VPS8: variants seen among roughly 807,000 people sequenced by gnomAD.
The protein encoded by VPS8 is vacuolar protein sorting-associated protein 8 homolog.
In VPS8, 129 loss-of-function variants were observed where a neutral mutation model predicts 216.4. That is an observed-to-expected ratio of 0.60 (90% CI 0.52 to 0.69). The LOEUF (loss-of-function observed/expected upper bound fraction) is 0.69. Among genes scored for constraint, VPS8 ranks in the 30% least tolerant of loss-of-function variants. The pLI is 0.00. For missense variants in VPS8, 1,531 were observed against 1,683.5 expected (o/e 0.91, Z 1.59); for synonymous variants, 571 against 565.4 (o/e 1.01, Z -0.14).
chr3:184,909,018 T>G (rs1736004205), intron 25 of VPS8, among the ~76,000 whole-genome samples: 1 of 152,202 alleles, frequency 6.6e-6, no homozygotes, highest in Non-Finnish European at 1.5e-5. Flanking sequence ...GGACCAGTAA[T>G]CTGGTCTTTC....
At chr3:184,879,235 A>C (rs144611975) in intron 21 of VPS8, among the ~76,000 whole-genome samples, 18 of 152,324 alleles carry the variant, frequency 1.2e-4, no homozygotes, top group Admixed American at 7.8e-4. Flanking sequence ...TTTTATTTGT[A>C]TATCCACATT....
chr3:184,865,072 A>C (rs1014237532), intron 16 of VPS8, among the ~76,000 whole-genome samples: 1 of 152,200 alleles, frequency 6.6e-6, no homozygotes, highest in Non-Finnish European at 1.5e-5. Flanking sequence ...CAGATTAGGC[A>C]ATACAGAAAA....
Position 185,024,384 on chromosome 3 carries a change from A to G in VPS8, c.4051A>G (p.Lys1351Glu), listed in dbSNP as rs748806037. The G allele has an allele frequency of 1.9e-6, 3 of 1,596,166 alleles. No individual in the cohort carries two copies. In the African/African-American group the frequency reaches 4.0e-5, roughly 21 times the overall value. Residue 1351 changes from lysine (K) to glutamate (E), a missense_variant, in exon 46 of 48, where the codon AAA becomes GAA. Lys to Glu is a moderately conservative substitution (Grantham distance 56). This residue lies in a region of VPS8 where 1,318 missense variants were observed against 1,468.4 expected (regional missense o/e 0.90). Transcript: ENST00000625842. ...YHQSKGDPTAKKGTSEPVLDP... is the reference protein window; with the variant it reads ...YHQSKGDPTAEKGTSEPVLDP... Reference sequence around the variant, plus strand: ...TCAGTCCAAAGGGGATCCCACTGCTAAAAAGGTGAGTTTGTTTTAAAGGCA... The same window carrying G: ...TCAGTCCAAAGGGGATCCCACTGCTGAAAAGGTGAGTTTGTTTTAAAGGCA...
chr3:184,864,891 C>T (rs544243502), intron 16 of VPS8, among the ~76,000 whole-genome samples: 1 of 152,210 alleles, frequency 6.6e-6, no homozygotes, highest in South Asian at 2.1e-4. Context: ...TCACACCTGA[C>T]ATAAATGTTA....
intron 42 of VPS8, among the ~76,000 whole-genome samples, chr3:184,983,379 A>G (rs1577060437): frequency 6.6e-6 from 1 of 152,088 alleles, no homozygotes; most frequent in African/African-American, 2.4e-5. Flanking sequence ...CAAGTTTCCT[A>G]TTGGTTTGCT....
At chr3:185,024,490 T>C in intron 46 of VPS8, 101 bp downstream of exon 46, 1 of 1,285,134 alleles carries the variant, frequency 7.8e-7, no homozygotes, top group Non-Finnish European at 1.1e-6. Flanking sequence ...TTAATCATCT[T>C]AATGCTGTCA....
At chr3:184,926,141 C>A (rs913427250) in intron 30 of VPS8, among the ~76,000 whole-genome samples, 1 of 150,290 alleles carries the variant, frequency 6.7e-6, no homozygotes, top group African/African-American at 2.4e-5. Context: ...TTTGGGAGGC[C>A]GAGGCGGGCG....
chr3:185,020,966 G>A (rs1756565051), intron 45 of VPS8, among the ~76,000 whole-genome samples: 1 of 152,174 alleles, frequency 6.6e-6, no homozygotes, highest in South Asian at 2.1e-4. Flanking sequence ...CAGCTATTTG[G>A]GAGGCTGAAG....
rs946728563 is a variant in VPS8, at chr3:185,014,853, T to C, written c.4003-9483T>C. On this transcript the variant is annotated intron_variant, in intron 45 of 47. Transcript: ENST00000625842. ...TTGGCTAGTATAGCCTGGGGCATTATCTGTTTTAATAGAAGCTGGAATGCC... is the reference window on the plus strand; with the variant it reads ...TTGGCTAGTATAGCCTGGGGCATTACCTGTTTTAATAGAAGCTGGAATGCC... 2.0e-4 allele frequency among the ~76,000 whole-genome samples: 31 copies of C among 152,300 alleles called. 1 individual carries two copies. The highest frequency in any genetic ancestry group is 6.7e-4 in the African/African-American group (28 of 41,566).
intron 1 of VPS8, among the ~76,000 whole-genome samples, chr3:184,819,044 T>C (rs998146515): frequency 6.6e-6 from 1 of 152,164 alleles, no homozygotes; most frequent in African/African-American, 2.4e-5. Flanking sequence ...GTAATATAGG[T>C]CACACATTCT....
In VPS8 at chr3:185,051,924, A is replaced by G; in HGVS notation, c.4186A>G (p.Arg1396Gly). The G allele has an allele frequency of 6.2e-7, 1 of 1,613,460 alleles. No individual in the cohort carries two copies. The highest frequency in any genetic ancestry group is 8.5e-7 in the Non-Finnish European group (1 of 1,179,648). The change falls in exon 48 of 48, where the codon AGG (arginine) becomes GGG (glycine). Residue 1396 changes from arginine to glycine, a missense_variant. By Grantham distance (125) the Arg-to-Gly change is moderately radical (BLOSUM62 -2). Coordinates refer to ENST00000625842, the MANE Select transcript of VPS8 (RefSeq NM_001009921.3). The part of the protein sequence containing the change: ...LSQNRSSESY[R>G]PFSGSQSAPA... ...CCAGAATCGCAGCAGCGAGAGCTAT[A>G]GGCCATTCAGTGGCTCGCAGAGTGC...
chr3:184,851,484 C>T lies in VPS8; in HGVS notation c.754-1016C>T, dbSNP rs369467535. On this transcript the variant is annotated intron_variant, in intron 10 of 47. Transcript: ENST00000625842. ...ATATTTATGTGTGTGTGTGTGTGTG[C>T]GTTTATATGAATACACTACTTTACT... 6.5e-4 allele frequency among the ~76,000 whole-genome samples: 89 copies of T among 135,996 alleles called. 2 individuals are homozygous for T. In the East Asian group the frequency reaches 0.02, roughly 30 times the overall value. The allele number at this position is 135,996 out of a possible 152,430, so 89.2% of individuals were successfully genotyped here. A position where few individuals can be genotyped will look rare whatever the true frequency, so the allele number is the denominator to read the frequency against.
In VPS8 at chr3:185,024,340, A is replaced by G; in HGVS notation, c.4007A>G (p.Lys1336Arg). Reference sequence around the variant, plus strand: ...ATGTTTGCCTTTTTTTTCCAGGTAAAAATGTCTCCATCGTATCATCAGTCC... The same window carrying G: ...ATGTTTGCCTTTTTTTTCCAGGTAAGAATGTCTCCATCGTATCATCAGTCC... ...KKGRITPSQV[K>R]MSPSYHQSKG... The change falls in exon 46 of 48, where the codon AAA becomes AGA. Residue 1336 changes from lysine (K) to arginine (R), a missense_variant. Lys to Arg is a conservative substitution (Grantham distance 26). This residue lies in a region of VPS8 where 1,318 missense variants were observed against 1,468.4 expected (regional missense o/e 0.90). Coordinates refer to ENST00000625842, the MANE Select transcript of VPS8 (RefSeq NM_001009921.3). 1 of 1,591,386 alleles carries G rather than the reference A, an allele frequency of 6.3e-7. No individual in the cohort carries two copies. Among genetic ancestry groups the G allele is most frequent in the Non-Finnish European group, 8.6e-7 (1 of 1,167,668 alleles).
intron 34 of VPS8, 71 bp downstream of exon 34, chr3:184,930,639 G>A (rs1007761509): frequency 8.2e-6 from 9 of 1,093,382 alleles, no homozygotes; most frequent in East Asian, 7.1e-5. Flanking sequence ...TTATGCCAAC[G>A]AAGCAATGGC....
intron 21 of VPS8, among the ~76,000 whole-genome samples, chr3:184,880,281 A>C (rs549967031): frequency 6.6e-6 from 1 of 152,122 alleles, no homozygotes; most frequent in African/African-American, 2.4e-5. Flanking sequence ...TGGATCCCTC[A>C]TTTTACCCTT....
At chr3:184,813,407 T>C (rs552290113) in intron 1 of VPS8, among the ~76,000 whole-genome samples, 10 of 152,310 alleles carry the variant, frequency 6.6e-5, no homozygotes, top group African/African-American at 2.4e-4. Flanking sequence ...TGTGTATGTC[T>C]ATGTCTGCCT....
intron 42 of VPS8, among the ~76,000 whole-genome samples, chr3:184,983,491 T>C (rs992641333): frequency 6.6e-6 from 1 of 152,220 alleles, no homozygotes; most frequent in Admixed American, 6.5e-5. Flanking sequence ...TATTTAGGCT[T>C]TCTAACTCAT....
rs1417155194 is a variant in VPS8 at position 184,845,725 on chromosome 3, A to C, written c.541+2480A>C. ...AGCCCAGATCGTGCCATTGCACTCC[A>C]GCCTGGGCAACAAGAGCGAAACTCC... On this transcript the variant is annotated intron_variant, in intron 8 of 47. Coordinates refer to ENST00000625842, the MANE Select transcript of VPS8 (RefSeq NM_001009921.3). Among the ~76,000 whole-genome samples, 3 of 149,748 alleles carry C rather than the reference A, an allele frequency of 2.0e-5. No homozygotes were observed. The East Asian group carries it at 6.0e-4, about 30-fold the overall frequency.
chr3:184,907,034 G>A (rs552036105), intron 25 of VPS8, among the ~76,000 whole-genome samples: 4 of 152,254 alleles, frequency 2.6e-5, no homozygotes, highest in East Asian at 3.9e-4. Flanking sequence ...GGATGCACCC[G>A]TGACACAGCC....
Sources: allele counts gnomAD v4.1 joint callset (sites outside exome capture counted in the v4.1 genomes callset), GRCh38; gene constraint gnomAD v4.1.1; regional missense constraint gnomAD v4.1.1; transcripts MANE v1.5; gene names NCBI Gene and HGNC (gene_info 2026-07-23, HGNC 2026-07-21).